The following SFXN1 variants were observed in gnomAD, a reference collection of about 807,000 sequenced individuals.
SFXN1 encodes the protein sideroflexin 1.
Under a neutral mutation model 39.5 loss-of-function variants are expected in SFXN1, and 32 were observed. That is an observed-to-expected ratio of 0.81 (90% CI 0.61 to 1.09). The LOEUF is 1.09. Among genes scored for constraint, SFXN1 ranks in the 50% least tolerant of loss-of-function variants. SFXN1 has a pLI of 0.00. For synonymous variants in SFXN1, 136 were observed against 146.5 expected, an observed-to-expected ratio of 0.93 and a Z score of 0.52; for missense variants, 402 against 407.1, an observed-to-expected ratio of 0.99 and a Z score of 0.11.
chr5:175,516,582 A>G, intron 7 of SFXN1, 32 bp from the exon 8 acceptor site: 2 of 1,575,894 alleles, frequency 1.3e-6, no homozygotes, highest in Admixed American at 1.9e-5. Context: ...GGCATTAAAT[A>G]AAGATTTAAG....
chr5:175,512,062 C>T, intron 5 of SFXN1, 49 bp from the exon 6 acceptor site: 1 of 1,495,944 alleles, frequency 6.7e-7, no homozygotes, highest in Non-Finnish European at 9.3e-7. Context: ...TTTCCATTTA[C>T]TAGTACAGGA....
chr5:175,499,814 T>C (rs185830814), intron 2 of SFXN1, among the ~76,000 whole-genome samples: 1 of 152,268 alleles, frequency 6.6e-6, no homozygotes, highest in African/African-American at 2.4e-5. Context: ...AATTTAAACT[T>C]TTTTTTTCAA....
intron 2 of SFXN1, among the ~76,000 whole-genome samples, chr5:175,499,177 C>A (rs1419552180): frequency 2.0e-5 from 3 of 151,968 alleles, no homozygotes; most frequent in Non-Finnish European, 4.4e-5. Context: ...ATTGCTTGTA[C>A]CCAGGAGGCG....
In SFXN1 at chr5:175,511,454, G is replaced by T. The variant is rs1294211938; in HGVS notation, c.438G>T (p.Glu146Asp). 2.5e-6 allele frequency: 4 copies of T among 1,613,836 alleles called. No homozygotes were observed. The highest frequency in any genetic ancestry group is 3.4e-6 in the Non-Finnish European group (4 of 1,179,916). Reference sequence around the variant, plus strand: ...CGATATCCTTTTTTCTTTTCAGTGAGTTGGGAACAGCTTACGTTTCTGCAA... The same window carrying T: ...CGATATCCTTTTTTCTTTTCAGTGATTTGGGAACAGCTTACGTTTCTGCAA... ...RSGDAPLTVN[E>D]LGTAYVSATT... The change falls in exon 5 of 11, where the codon GAG (glutamate) becomes GAT (aspartate). Residue 146 changes from glutamate to aspartate, a missense_variant. Coordinates refer to ENST00000321442, the MANE Select transcript of SFXN1 (RefSeq NM_022754.7).
chr5:175,503,945 A>G (rs1285655259), intron 2 of SFXN1, among the ~76,000 whole-genome samples: 2 of 147,788 alleles, frequency 1.4e-5, no homozygotes, highest in Admixed American at 1.4e-4. Context: ...TAGAGGTTGC[A>G]GTAGCCGAGA....
Position 175,511,496 on chromosome 5 carries a change from A to C in SFXN1, c.480A>C (p.Ala160=). The C allele has an allele frequency of 6.2e-7, 1 of 1,614,178 alleles. No homozygotes were observed. The change falls in exon 5 of 11, where the codon GCA becomes GCC. Residue 160 remains alanine, a synonymous_variant. Transcript: ENST00000321442. ...AYVSATTGAV[A]TALGLNALTK... ...TTTCTGCAACAACTGGTGCCGTAGC[A>C]ACAGCTCTAGGACTCAATGCATTGA...
chr5:175,486,267 T>C (rs1031573970), intron 1 of SFXN1, among the ~76,000 whole-genome samples: 1 of 152,138 alleles, frequency 6.6e-6, no homozygotes, highest in Non-Finnish European at 1.5e-5. Context: ...AAAAGAGTGG[T>C]GAGTGGAAAG....
intron 4 of SFXN1, among the ~76,000 whole-genome samples, chr5:175,510,893 C>A (rs1461064508): frequency 6.6e-6 from 1 of 152,204 alleles, no homozygotes; most frequent in African/African-American, 2.4e-5. Context: ...ATCTTGAAAT[C>A]TGCAGCCAAG....
chr5:175,489,947 A>T (rs1192585742), intron 1 of SFXN1, among the ~76,000 whole-genome samples: 1 of 152,040 alleles, frequency 6.6e-6, no homozygotes, highest in Non-Finnish European at 1.5e-5. Context: ...TGGAGATCTG[A>T]TAGAGATTTT....
intron 10 of SFXN1, chr5:175,523,489 A>G (rs1472460242): frequency 6.6e-6 from 1 of 152,218 alleles, no homozygotes; most frequent in Non-Finnish European, 1.5e-5. Context: ...GCCTTGATTT[A>G]GCAGTTTAGA....
At chr5:175,519,068 C>G (rs1350054288) in intron 8 of SFXN1, among the ~76,000 whole-genome samples, 2 of 152,224 alleles carry the variant, frequency 1.3e-5, no homozygotes, top group East Asian at 3.8e-4. Context: ...AACAGACACT[C>G]TACCAAGTAC....
chr5:175,524,125 AATATATATATATATATATATATATAT>A (rs771042074), intron 10 of SFXN1: 2 of 32,516 alleles, frequency 6.2e-5, no homozygotes, highest in African/African-American at 1.5e-4. Flanking sequence ...AAAAAAAAAA[AATATATATATATATATATATATATAT>A]ATATATATAT....
At chr5:175,493,313 G>A (rs927888017) in intron 2 of SFXN1, among the ~76,000 whole-genome samples, 4 of 151,958 alleles carry the variant, frequency 2.6e-5, no homozygotes, top group Admixed American at 1.3e-4. Context: ...CACAGGCCAC[G>A]AACAGTAGTT....
intron 1 of SFXN1, among the ~76,000 whole-genome samples, chr5:175,481,894 T>C (rs1759267915): frequency 6.6e-6 from 1 of 152,208 alleles, no homozygotes; most frequent in African/African-American, 2.4e-5. Flanking sequence ...TATATGCAGA[T>C]GACCAGCCCA....
At chr5:175,479,639 A>G (rs933418026) in intron 1 of SFXN1, among the ~76,000 whole-genome samples, 4 of 152,056 alleles carry the variant, frequency 2.6e-5, no homozygotes, top group Non-Finnish European at 4.4e-5. Flanking sequence ...TGCTCAGCCT[A>G]TCTATCCCCT....
intron 2 of SFXN1, among the ~76,000 whole-genome samples, chr5:175,501,906 C>T (rs957604855): frequency 3.3e-5 from 5 of 152,124 alleles, no homozygotes; most frequent in Admixed American, 1.3e-4. Context: ...CATGCAGAGC[C>T]GGCTGTGAGG....
chr5:175,507,973 T>TAAAAAA (rs74722265), intron 2 of SFXN1, among the ~76,000 whole-genome samples: 17 of 124,340 alleles, frequency 1.4e-4, no homozygotes, highest in African/African-American at 4.7e-4. Context: ...ACCCTGTCTT[T>TAAAAAA]AAAAAAAAAA....
intron 1 of SFXN1, among the ~76,000 whole-genome samples, chr5:175,482,767 C>T (rs961503695): frequency 6.6e-6 from 1 of 152,128 alleles, no homozygotes; most frequent in African/African-American, 2.4e-5. Context: ...AGTAATTCAC[C>T]CAGTCACATG....
chr5:175,507,093 A>C (rs937453222), intron 2 of SFXN1, among the ~76,000 whole-genome samples: 2 of 152,072 alleles, frequency 1.3e-5, no homozygotes, highest in African/African-American at 4.8e-5. Flanking sequence ...TGGGGCTTCC[A>C]AGGTTCTAGA....
Sources: allele counts gnomAD v4.1 joint callset (sites outside exome capture counted in the v4.1 genomes callset), GRCh38; gene constraint gnomAD v4.1.1; transcripts MANE v1.5; gene names NCBI Gene and HGNC (gene_info 2026-07-23, HGNC 2026-07-21).